TRAK1: variants seen among roughly 807,000 people sequenced by gnomAD.
TRAK1 encodes the protein trafficking kinesin-binding protein 1.
In TRAK1, 33 loss-of-function variants were observed where a neutral mutation model predicts 92.1. The observed-to-expected ratio is 0.36, with a 90% CI of 0.27 to 0.48. The LOEUF is 0.48. Among genes scored for constraint, TRAK1 ranks in the 20% least tolerant of loss-of-function variants. TRAK1 has a pLI of 0.99. For missense variants in TRAK1, 1,123 were observed against 1,257.9 expected (o/e 0.89, Z 1.62); for synonymous variants, 521 against 517.3 (o/e 1.01, Z -0.10).
intron 1 of TRAK1, among the ~76,000 whole-genome samples, chr3:42,122,915 C>T (rs1403236453): frequency 5.3e-5 from 8 of 152,120 alleles, no homozygotes; most frequent in Non-Finnish European, 1.2e-4. Context: ...GCAGAGAAGT[C>T]CCAGCAGTGA....
At position 42,217,372 on chromosome 3, in the gene TRAK1, C is replaced by T. The variant is rs972541124; in HGVS notation, c.1964-2122C>T. On this transcript the variant is annotated intron_variant, in intron 14 of 15. Coordinates refer to ENST00000327628, the MANE Select transcript of TRAK1 (RefSeq NM_001042646.3). ...GCACTTTGGAAACTTGTTGATCTTC[C>T]TTGGTCTTCTACGGCTATTCATTGC... 4 of 985,258 alleles carry T rather than the reference C, an allele frequency of 4.1e-6. No individual in the cohort carries two copies. The African/African-American group carries it at 7.0e-5, about 17-fold the overall frequency. The allele number at this position is 985,258 out of a possible 1,614,324, so 61.0% of individuals were successfully genotyped here. A position where few individuals can be genotyped will look rare whatever the true frequency, so the allele number is the denominator to read the frequency against.
chr3:42,194,758 T>A, intron 9 of TRAK1, 46 bp from the exon 10 acceptor site: 1 of 1,605,354 alleles, frequency 6.2e-7, no homozygotes, highest in Non-Finnish European at 8.5e-7. Flanking sequence ...TGTGTACACC[T>A]GGGTGCTCAG....
rs116370619 is a variant in TRAK1 at position 42,034,053 on chromosome 3, A to G, written c.-519+19936A>G. ...TACCTGTTCATCTGAAATCCTGAGTACAATCACCTTGTTCCCTGAATGCCA... is the reference window on the plus strand; with the variant it reads ...TACCTGTTCATCTGAAATCCTGAGTGCAATCACCTTGTTCCCTGAATGCCA... On this transcript the variant is annotated intron_variant, in intron 1 of 16. Transcript: ENST00000487159. 2.0e-3 allele frequency among the ~76,000 whole-genome samples: 299 copies of G among 152,270 alleles called. 1 individual carries two copies. Among genetic ancestry groups the G allele is most frequent in the Non-Finnish European group, 1.8e-3 (123 of 68,008 alleles).
At chr3:42,188,910 T>C in intron 5 of TRAK1, 106 bp from the exon 6 acceptor site, 1 of 758,754 alleles carries the variant, frequency 1.3e-6, no homozygotes, top group Non-Finnish European at 2.3e-6. Context: ...AGCCGTCTGG[T>C]GGGTCATTGT....
At chr3:42,110,092 A>T (rs1156720534) in intron 1 of TRAK1, among the ~76,000 whole-genome samples, 2 of 89,332 alleles carry the variant, frequency 2.2e-5, no homozygotes, top group African/African-American at 4.1e-5. Flanking sequence ...CTAGAACTTA[A>T]AGTATATATA....
intron 1 of TRAK1, among the ~76,000 whole-genome samples, chr3:42,067,001 G>A (rs1703710630): frequency 6.6e-6 from 1 of 152,146 alleles, no homozygotes; most frequent in South Asian, 2.1e-4. Context: ...CTAATTATTT[G>A]TGCTACTTCT....
chr3:42,204,050 A>G, intron 13 of TRAK1: 2 of 984,926 alleles, frequency 2.0e-6, no homozygotes, highest in Non-Finnish European at 1.2e-6. Context: ...TTAAAATTGT[A>G]TAATTGGGGT....
At chr3:42,114,607 A>G (rs1708921110) in intron 1 of TRAK1, among the ~76,000 whole-genome samples, 1 of 152,234 alleles carries the variant, frequency 6.6e-6, no homozygotes, top group African/African-American at 2.4e-5. Flanking sequence ...TCTAAACACT[A>G]GTTCAGTTGT....
chr3:42,025,827 G>C (rs1390095770), intron 1 of TRAK1, among the ~76,000 whole-genome samples: 1 of 152,194 alleles, frequency 6.6e-6, no homozygotes, highest in African/African-American at 2.4e-5. Context: ...TAAAGTCCGT[G>C]GCAGATGTTC....
chr3:42,193,805 T>C lies in TRAK1; in HGVS notation c.901-19T>C. 6.2e-7 allele frequency: 1 copy of C among 1,611,082 alleles called. No homozygotes were observed. The highest frequency in any genetic ancestry group is 8.5e-7 in the Non-Finnish European group (1 of 1,177,492). On this transcript the variant is annotated intron_variant, in intron 8 of 15. Transcript: ENST00000327628. ...TTACCAAGTATCTTAGGAAGTGATC[T>C]ATCTTTGCCATGCTTTAGTGCGCAG...
chr3:42,114,497 A>C (rs1708906407), intron 1 of TRAK1, among the ~76,000 whole-genome samples: 1 of 152,206 alleles, frequency 6.6e-6, no homozygotes, highest in South Asian at 2.1e-4. Flanking sequence ...TCCCAGGTGC[A>C]ATTACTGGTT....
At chr3:42,075,542 A>G (rs1704118363) in intron 1 of TRAK1, among the ~76,000 whole-genome samples, 1 of 152,114 alleles carries the variant, frequency 6.6e-6, no homozygotes. Flanking sequence ...GTTCTATTTT[A>G]AATTCTTTGA....
At chr3:42,149,692 G>A (rs1334639578) in intron 2 of TRAK1, 2 of 1,490,372 alleles carry the variant, frequency 1.3e-6, no homozygotes, top group Non-Finnish European at 9.0e-7. Flanking sequence ...GGGGAGACAG[G>A]CGGCTGGCGG....
chr3:42,178,508 G>A (rs766942090), intron 3 of TRAK1, among the ~76,000 whole-genome samples: 3 of 152,076 alleles, frequency 2.0e-5, no homozygotes, highest in Non-Finnish European at 4.4e-5. Flanking sequence ...TTTGAAGATG[G>A]CCCCAACTCC....
At position 42,188,972 on chromosome 3, in the gene TRAK1, A is replaced by G. The variant is rs1017305333; in HGVS notation, c.582-44A>G. 15 of 1,421,562 alleles carry G rather than the reference A, an allele frequency of 1.1e-5. No individual in the cohort carries two copies. In the Admixed American group the frequency reaches 1.5e-4, roughly 14 times the overall value. The allele number at this position is 1,421,562 out of a possible 1,614,324, so 88.1% of individuals were successfully genotyped here. A position where few individuals can be genotyped will look rare whatever the true frequency, so the allele number is the denominator to read the frequency against. On this transcript the variant is annotated intron_variant, in intron 5 of 15. Transcript: ENST00000327628. ...TCCACATGGTTTGCCAGGTGGTGGG[A>G]GGAAATGCGTCTCCCTAGGTTGTGA... is the stretch of plus-strand genomic sequence containing the variant.
chr3:42,153,981 G>C (rs1483298359), intron 2 of TRAK1, among the ~76,000 whole-genome samples: 2 of 152,080 alleles, frequency 1.3e-5, no homozygotes, highest in African/African-American at 2.4e-5. Context: ...AAAAGAAAAA[G>C]AATGAAATGT....
chr3:42,035,704 C>T (rs1463079376), intron 1 of TRAK1, among the ~76,000 whole-genome samples: 2 of 152,178 alleles, frequency 1.3e-5, no homozygotes, highest in Non-Finnish European at 2.9e-5. Flanking sequence ...AAGTGCAGAT[C>T]GAATCCCATC....
chr3:42,153,725 C>T (rs9682473), intron 2 of TRAK1, among the ~76,000 whole-genome samples: 39,266 of 152,070 alleles, frequency 0.26, 5,558 homozygotes, highest in East Asian at 0.48. Context: ...CCCAAGATGG[C>T]GGTGGCTGGT....
At chr3:42,052,899 C>T (rs1030077112) in intron 1 of TRAK1, among the ~76,000 whole-genome samples, 1 of 152,114 alleles carries the variant, frequency 6.6e-6, no homozygotes, top group Non-Finnish European at 1.5e-5. Context: ...TGGCTGAATG[C>T]GTAGTCCCCG....
Sources: gnomAD v4.1 joint callset for allele counts (sites outside exome capture counted in the v4.1 genomes callset) on GRCh38, gnomAD v4.1.1 for gene constraint, MANE v1.5 for transcripts, NCBI Gene and HGNC (gene_info 2026-07-23, HGNC 2026-07-21) for gene names.